Variants in ADAMTS12 observed in about 807,000 individuals in gnomAD.
ADAMTS12 encodes the protein ADAM metallopeptidase with thrombospondin type 1 motif 12.
ADAMTS12 carries 118 observed loss-of-function variants against 167.8 expected under a neutral mutation model. The ratio of observed to expected loss-of-function variants is 0.70; its 90% CI spans 0.61 to 0.82. ADAMTS12 has a LOEUF of 0.82. Among genes scored for constraint, ADAMTS12 ranks in the 40% least tolerant of loss-of-function variants. ADAMTS12 has a pLI of 0.00. For synonymous variants in ADAMTS12, 704 were observed against 716.9 expected, an observed-to-expected ratio of 0.98 and a Z score of 0.29; for missense variants, 1,916 against 1,998.8, an observed-to-expected ratio of 0.96 and a Z score of 0.79.
rs139801230 is a variant in ADAMTS12, at chr5:33,529,773, A to G, written c.4607-2407T>C. ...GCTGAAGTTTTAAGTGCCCTTAGGA[A>G]TTGGTAACATATAATGCTCCTAGAT... On this transcript the variant is annotated intron_variant, in intron 23 of 23. Coordinates refer to ENST00000504830, the MANE Select transcript of ADAMTS12 (RefSeq NM_030955.4). Among the ~76,000 whole-genome samples, 445 of 152,232 alleles carry G rather than the reference A, an allele frequency of 2.9e-3. 15 individuals carry two copies. Among genetic ancestry groups the G allele is most frequent in the Admixed American group, 0.02 (311 of 15,282 alleles).
rs111754363 is a variant in ADAMTS12 at position 33,797,577 on chromosome 5, A to G, written c.490-46029T>C. 2.0e-3 allele frequency among the ~76,000 whole-genome samples: 302 copies of G among 151,804 alleles called. 2 individuals are homozygous for G. The highest frequency in any genetic ancestry group is 5.3e-3 in the African/African-American group (217 of 41,160). On this transcript the variant is annotated intron_variant, in intron 2 of 23. Coordinates refer to ENST00000504830, the MANE Select transcript of ADAMTS12 (RefSeq NM_030955.4). ...GAGCTGGCTTTTAATGTCAGAACTT[A>G]GTGATGAAGGTTCCCCACAGAGAAA...
At chr5:33,723,613 C>G (rs1257293606) in intron 3 of ADAMTS12, among the ~76,000 whole-genome samples, 1 of 152,180 alleles carries the variant, frequency 6.6e-6, no homozygotes, top group African/African-American at 2.4e-5. Context: ...CACTTATCTT[C>G]TCTGCTCTCA....
chr5:33,667,321 A>T (rs1741510609), intron 5 of ADAMTS12, among the ~76,000 whole-genome samples: 1 of 149,794 alleles, frequency 6.7e-6, no homozygotes, highest in Admixed American at 6.6e-5. Flanking sequence ...CTGTCTCAAA[A>T]AAAAAAAAAA....
intron 7 of ADAMTS12, among the ~76,000 whole-genome samples, chr5:33,656,702 G>A (rs1741075458): frequency 6.6e-6 from 1 of 152,174 alleles, no homozygotes; most frequent in Non-Finnish European, 1.5e-5. Flanking sequence ...TTGGCCAGCA[G>A]GTACTGTTGA....
chr5:33,545,755 G>GC (rs1744941691), intron 22 of ADAMTS12, among the ~76,000 whole-genome samples: 2 of 149,526 alleles, frequency 1.3e-5, no homozygotes, highest in African/African-American at 2.5e-5. Context: ...GCAAACTATC[G>GC]CAAGGACAAA....
chr5:33,819,085 T>G (rs1416417317), intron 2 of ADAMTS12, among the ~76,000 whole-genome samples: 1 of 152,148 alleles, frequency 6.6e-6, no homozygotes, highest in Non-Finnish European at 1.5e-5. Flanking sequence ...AGCTTTGTAC[T>G]TTGATGTGGT....
At chr5:33,826,045 G>C (rs1748055578) in intron 2 of ADAMTS12, among the ~76,000 whole-genome samples, 1 of 152,118 alleles carries the variant, frequency 6.6e-6, no homozygotes, top group Non-Finnish European at 1.5e-5. Context: ...TTCGTTATGT[G>C]AACTGCAGTT....
chr5:33,693,596 G>A (rs1467137472), intron 3 of ADAMTS12, among the ~76,000 whole-genome samples: 1 of 152,104 alleles, frequency 6.6e-6, no homozygotes, highest in East Asian at 1.9e-4. Context: ...ATGCAGAGAA[G>A]GCTTTTGATA....
At position 33,534,684 on chromosome 5, in the gene ADAMTS12, ATAGT is replaced by A. The variant is rs545079316; in HGVS notation, c.4606+145_4606+148del. On this transcript the variant is annotated intron_variant, in intron 23 of 23. Transcript: ENST00000504830. ...TAGGATTCAAACCTCACCAGATCAG[ATAGT>A]TTGTTCCCAGGGTTACTGGTTGACC... The A allele has an allele frequency of 1.8e-3, 1,897 of 1,027,822 alleles. 3 individuals are homozygous for A. Among genetic ancestry groups the A allele is most frequent in the Non-Finnish European group, 2.1e-3 (1,546 of 734,360 alleles). 63.7% of individuals were successfully genotyped at this position (1,027,822 alleles called of 1,614,324 possible).
rs1424312453 is a variant in ADAMTS12 at position 33,877,054 on chromosome 5, T to C, written c.489+4065A>G. Among the ~76,000 whole-genome samples the C allele has an allele frequency of 3.3e-5, 5 of 151,112 alleles. No homozygotes were observed. The South Asian group carries it at 6.3e-4, about 19-fold the overall frequency. ...GAAAGGGAAACTTAAGGCTGGAGAG[T>C]GGATGGAAGTTAAAGCTGGATGGCC... On this transcript the variant is annotated intron_variant, in intron 2 of 23. Transcript: ENST00000504830.
rs1290174817 is a variant in ADAMTS12 at position 33,695,646 on chromosome 5, A to C, written c.635-11591T>G. 2.6e-4 allele frequency among the ~76,000 whole-genome samples: 40 copies of C among 152,330 alleles called. 1 individual carries two copies. On this transcript the variant is annotated intron_variant, in intron 3 of 23. Transcript: ENST00000504830. Reference sequence around the variant, plus strand: ...TTACATGAGGTACCTTGTGTAGTACAGTTCACAGAGGCAGAAAGTAGAATG... The same window carrying C: ...TTACATGAGGTACCTTGTGTAGTACCGTTCACAGAGGCAGAAAGTAGAATG...
intron 3 of ADAMTS12, among the ~76,000 whole-genome samples, chr5:33,734,367 C>G (rs1025558583): frequency 6.6e-6 from 1 of 152,152 alleles, no homozygotes; most frequent in Non-Finnish European, 1.5e-5. Context: ...AAGAAAAAAA[C>G]GTGAAGTACC....
chr5:33,865,490 G>A (rs1749784000), intron 2 of ADAMTS12, among the ~76,000 whole-genome samples: 1 of 152,068 alleles, frequency 6.6e-6, no homozygotes, highest in Non-Finnish European at 1.5e-5. Flanking sequence ...AGCCATATAT[G>A]ACAAACCCAC....
chr5:33,595,416 A>C (rs907901512), intron 17 of ADAMTS12, among the ~76,000 whole-genome samples: 3 of 152,190 alleles, frequency 2.0e-5, no homozygotes, highest in African/African-American at 7.2e-5. Flanking sequence ...CAGGCCAGCA[A>C]TGCTGCTAAG....
chr5:33,888,543 T>C (rs1750724041), intron 1 of ADAMTS12, among the ~76,000 whole-genome samples: 2 of 152,222 alleles, frequency 1.3e-5, no homozygotes, highest in South Asian at 4.1e-4. Flanking sequence ...ATTTTTTTAA[T>C]AGAATACATA....
At position 33,570,409 on chromosome 5, in the gene ADAMTS12, T is replaced by G. The variant is rs376674285; in HGVS notation, c.3972+5645A>C. On this transcript the variant is annotated intron_variant, in intron 19 of 23. Transcript: ENST00000504830. ...TAACAGTGGATCTCTCGGCAGAAAC[T>G]CTACAAGCCAGAAGAGAGTGGGGGC... Among the ~76,000 whole-genome samples the G allele has an allele frequency of 1.8e-4, 28 of 152,182 alleles. No homozygotes were observed. In the East Asian group the frequency reaches 5.4e-3, roughly 29 times the overall value.
At chr5:33,589,696 T>C (rs1747540623) in intron 17 of ADAMTS12, among the ~76,000 whole-genome samples, 1 of 152,194 alleles carries the variant, frequency 6.6e-6, no homozygotes, top group South Asian at 2.1e-4. Context: ...TACAGCCCGC[T>C]TGTCCATCCC....
chr5:33,604,655 C>G (rs530327200), intron 16 of ADAMTS12, among the ~76,000 whole-genome samples: 2 of 152,058 alleles, frequency 1.3e-5, no homozygotes, highest in South Asian at 4.2e-4. Context: ...TACCTGCTGG[C>G]TCCATCACTT....
intron 12 of ADAMTS12, 108 bp downstream of exon 12, chr5:33,637,469 A>G: frequency 8.4e-7 from 1 of 1,187,208 alleles, no homozygotes; most frequent in Non-Finnish European, 1.2e-6. Flanking sequence ...CCTGGTGTAC[A>G]ATTGTCTTTG....
Sources: allele counts gnomAD v4.1 joint callset (sites outside exome capture counted in the v4.1 genomes callset), GRCh38; gene constraint gnomAD v4.1.1; transcripts MANE v1.5; gene names NCBI Gene and HGNC (gene_info 2026-07-23, HGNC 2026-07-21).